Variants in LRP8 observed in about 807,000 individuals in gnomAD.
The protein encoded by LRP8 is low-density lipoprotein receptor-related protein 8.
In LRP8, 46 loss-of-function variants were observed where a neutral mutation model predicts 111.6. The observed-to-expected ratio is 0.41, with a 90% confidence interval of 0.33 to 0.53. LRP8 has a LOEUF of 0.53. LRP8 is among the 20% of genes least tolerant of loss of function. LRP8 has a pLI of 0.20. For missense variants in LRP8, 959 were observed against 1,297.4 expected (o/e 0.74, Z 4.01); for synonymous variants, 464 against 511.2 (o/e 0.91, Z 1.24).
In LRP8 at chr1:53,279,979, T is replaced by G. The variant is rs751746763; in HGVS notation, c.496+608A>C. 1.3e-5 allele frequency among the ~76,000 whole-genome samples: 2 copies of G among 152,234 alleles called. No individual in the cohort carries two copies. The highest frequency in any genetic ancestry group is 2.9e-5 in the Non-Finnish European group (2 of 68,040). On this transcript the variant is annotated intron_variant, in intron 4 of 18. Coordinates refer to ENST00000306052, the MANE Select transcript of LRP8 (RefSeq NM_004631.5). This position sits in a 1 kb window ranked among gnomAD's most constrained non-coding sequence, Gnocchi z 4.4. The stretch of plus-strand genomic sequence containing the variant: ...CCTGGGAAGGAGATAATCCTGTGTT[T>G]GAAGCTCAGTGATGTGGAACTGTCC...
intron 2 of LRP8, among the ~76,000 whole-genome samples, chr1:53,320,709 T>A (rs1008161020): frequency 6.6e-6 from 1 of 151,800 alleles, no homozygotes; most frequent in African/African-American, 2.4e-5. Context: ...CTCTGCGGGG[T>A]CTCCAGAGAA....
chr1:53,278,862 C>T (rs544209392), intron 4 of LRP8, among the ~76,000 whole-genome samples: 4 of 150,794 alleles, frequency 2.7e-5, no homozygotes, highest in East Asian at 3.9e-4. Context: ...CCACCTCCTG[C>T]GTTCCAGTGA....
At chr1:53,295,908 G>A (rs1447065463) in intron 2 of LRP8, among the ~76,000 whole-genome samples, 1 of 152,204 alleles carries the variant, frequency 6.6e-6, no homozygotes, top group African/African-American at 2.4e-5. Context: ...ATTAGATGAG[G>A]TGCAGAGAAG....
chr1:53,290,230 C>T (rs542625121), intron 2 of LRP8, among the ~76,000 whole-genome samples: 4 of 152,206 alleles, frequency 2.6e-5, no homozygotes, highest in Admixed American at 2.6e-4. Flanking sequence ...AAATCAGTCC[C>T]TGCCCCCCGG....
chr1:53,313,643 C>T (rs923665533), intron 2 of LRP8, among the ~76,000 whole-genome samples: 1 of 152,148 alleles, frequency 6.6e-6, no homozygotes, highest in Non-Finnish European at 1.5e-5. Context: ...GAGATGGAGC[C>T]TTCCAGGCTA....
Position 53,295,259 on chromosome 1 carries a change from G to A in LRP8, c.245-5570C>T, listed in dbSNP as rs569962798. Among the ~76,000 whole-genome samples, 20 of 152,344 alleles carry A rather than the reference G, an allele frequency of 1.3e-4. 1 individual carries two copies. Among genetic ancestry groups the A allele is most frequent in the Admixed American group, 9.8e-4 (15 of 15,312 alleles). The stretch of plus-strand genomic sequence containing the variant: ...GTGGGAGTGAAGAGAGCAGGGAAGA[G>A]CATTCCAGGAGGAAGGATAATGGGG... On this transcript the variant is annotated intron_variant, in intron 2 of 18. Transcript: ENST00000306052.
chr1:53,327,049 T>A (rs199754504), intron 1 of LRP8, 57 bp from the exon 2 acceptor site: 15 of 1,594,946 alleles, frequency 9.4e-6, no homozygotes, highest in Non-Finnish European at 1.1e-5. Context: ...CTCCCCACCA[T>A]GCAGTCCGGG....
intron 2 of LRP8, among the ~76,000 whole-genome samples, chr1:53,310,630 C>T (rs1014226847): frequency 3.9e-5 from 6 of 152,160 alleles, no homozygotes; most frequent in East Asian, 3.9e-4. Context: ...GCTCTGAGGA[C>T]GCAGGATCAG....
chr1:53,255,497 A>G (rs758213710), intron 15 of LRP8, among the ~76,000 whole-genome samples: 27 of 152,184 alleles, frequency 1.8e-4, no homozygotes, highest in Non-Finnish European at 3.8e-4. Flanking sequence ...GCATCATGGT[A>G]GTAGGAAGCT....
intron 16 of LRP8, among the ~76,000 whole-genome samples, chr1:53,251,182 G>A (rs1470794121): frequency 6.6e-6 from 1 of 152,120 alleles, no homozygotes; most frequent in Non-Finnish European, 1.5e-5. Flanking sequence ...GCTCTTTCAA[G>A]GCAGGGACTG....
chr1:53,289,211 TAAG>T (rs752854734), intron 3 of LRP8: 8 of 194,748 alleles, frequency 4.1e-5, no homozygotes, highest in Non-Finnish European at 7.5e-5. Context: ...GATAAAGGCT[TAAG>T]AAGCACCAGC....
At chr1:53,325,978 A>C (rs1655071574) in intron 2 of LRP8, among the ~76,000 whole-genome samples, 1 of 152,180 alleles carries the variant, frequency 6.6e-6, no homozygotes, top group African/African-American at 2.4e-5. Flanking sequence ...AGACACTCTG[A>C]AACCCTGTGC....
chr1:53,261,967 T>C, intron 12 of LRP8, 101 bp downstream of exon 12: 3 of 1,388,560 alleles, frequency 2.2e-6, no homozygotes, highest in Non-Finnish European at 3.0e-6. Flanking sequence ...TCCCTGTTCC[T>C]GTTTTCATTT....
At chr1:53,322,679 C>T (rs1012868220) in intron 2 of LRP8, among the ~76,000 whole-genome samples, 5 of 152,076 alleles carry the variant, frequency 3.3e-5, no homozygotes, top group Non-Finnish European at 5.9e-5. Flanking sequence ...CAGGTGAAGA[C>T]GGGGAGGTTC....
intron 2 of LRP8, among the ~76,000 whole-genome samples, chr1:53,320,506 T>C (rs779046142): frequency 6.6e-6 from 1 of 152,178 alleles, no homozygotes; most frequent in Non-Finnish European, 1.5e-5. Flanking sequence ...AGGCCCCGTG[T>C]TACTACAGAG....
chr1:53,285,542 G>A (rs1242995867), intron 3 of LRP8, among the ~76,000 whole-genome samples: 1 of 152,138 alleles, frequency 6.6e-6, no homozygotes, highest in East Asian at 1.9e-4. Context: ...AAATGGGGTT[G>A]AATAATCTCC....
At chr1:53,278,508 A>G (rs12405419) in intron 4 of LRP8, among the ~76,000 whole-genome samples, 1 of 152,248 alleles carries the variant, frequency 6.6e-6, no homozygotes. Flanking sequence ...CTTCAGTTTC[A>G]CCAGGTAGGT....
Position 53,257,255 on chromosome 1 carries a change from T to A in LRP8, c.2419A>T (p.Asn807Tyr). The A allele has an allele frequency of 6.2e-7, 1 of 1,614,130 alleles. No individual in the cohort carries two copies. Among genetic ancestry groups the A allele is most frequent in the Non-Finnish European group, 8.5e-7 (1 of 1,180,024 alleles). The change falls in exon 15 of 19, where the codon AAC (asparagine) becomes TAC (tyrosine). Residue 807 changes from asparagine (N) to tyrosine (Y), a missense_variant. Physicochemically the swap from Asn to Tyr is moderately radical, Grantham distance 143. Transcript: ENST00000306052. ...ATTTCCTTACAGTGCTGGGAGTGGTTGCTGGTTGCAGGGCTTAGGGTAGAC... is the reference window on the plus strand; with the variant it reads ...ATTTCCTTACAGTGCTGGGAGTGGTAGCTGGTTGCAGGGCTTAGGGTAGAC... ...SPSTLSPATS[N>Y]HSQHYANEDS...
At chr1:53,292,837 T>A (rs775683508) in intron 2 of LRP8, among the ~76,000 whole-genome samples, 3 of 152,168 alleles carry the variant, frequency 2.0e-5, no homozygotes, top group Non-Finnish European at 2.9e-5. Flanking sequence ...CACAGTCAGA[T>A]GCCTGCTCAT....
Sources: allele counts gnomAD v4.1 joint callset (sites outside exome capture counted in the v4.1 genomes callset), GRCh38; gene constraint gnomAD v4.1.1; non-coding constraint Gnocchi (gnomAD v3.1); transcripts MANE v1.5; gene names NCBI Gene and HGNC (gene_info 2026-07-23, HGNC 2026-07-21).